PEX26: variants seen among roughly 807,000 people sequenced by gnomAD.
The protein encoded by PEX26 is peroxisome assembly protein 26.
A neutral mutation model predicts 31.4 loss-of-function variants in PEX26; 18 were observed. That is an observed-to-expected ratio of 0.57 (90% confidence interval 0.40 to 0.85). PEX26 has a LOEUF of 0.85. Among genes scored for constraint, PEX26 ranks in the 40% least tolerant of loss-of-function variants. The pLI, the probability that PEX26 is intolerant of heterozygous loss-of-function variation, is 0.00. For missense variants in PEX26, 377 were observed against 383.9 expected (o/e 0.98, Z 0.15); for synonymous variants, 176 against 166.9 (o/e 1.05, Z -0.42).
In PEX26 at chr22:18,078,506, C is replaced by T. The variant is rs150895887; in HGVS notation, c.130C>T (p.Leu44Phe). Residue 44 changes from leucine to phenylalanine, a missense_variant, in exon 1 of 5, where the codon CTC becomes TTC. By Grantham distance (22) the Leu-to-Phe change is conservative. Coordinates refer to ENST00000399744, the MANE Select transcript of PEX26 (RefSeq NM_001127649.3). ...GGACCTTCTGGAGGAGGCGGCCGAC[C>T]TCCTGGTGGTGCACCTGGACTTCCG... ...AVDLLEEAAD[L>F]LVVHLDFRAA... 2.1e-3 allele frequency: 3,362 copies of T among 1,571,354 alleles called. 17 individuals are homozygous for T. The highest frequency in any genetic ancestry group is 0.016 in the African/African-American group (1,225 of 74,280).
chr22:18,078,405 C>T lies in PEX26; in HGVS notation c.29C>T (p.Ala10Val), dbSNP rs768425084. 1.3e-4 allele frequency: 206 copies of T among 1,598,524 alleles called. No individual in the cohort carries two copies. Among genetic ancestry groups the T allele is most frequent in the Middle Eastern group, 5.0e-4 (3 of 6,042 alleles). Residue 10 changes from alanine to valine, a missense_variant, in exon 1 of 5, where the codon GCC becomes GTC. Transcript: ENST00000399744. ...AAGAGCGATTCTTCGACCTCTGCAG[C>T]CCCCCTCAGGGGGCTCGGGGGACCC... MKSDSSTSA[A>V]PLRGLGGPLR...
In PEX26 at chr22:18,078,946, C is replaced by T. The variant is rs1926431673; in HGVS notation, c.230+340C>T. ...CCAGGTACCTCCGCCCTCCCCGCCC[C>T]GCCCAAGGTTGTTTATTCCTGACCT... On this transcript the variant is annotated intron_variant, in intron 1 of 4. Coordinates refer to ENST00000399744, the MANE Select transcript of PEX26 (RefSeq NM_001127649.3). 11 of 440,420 alleles carry T rather than the reference C, an allele frequency of 2.5e-5. No individual in the cohort carries two copies. The Admixed American group carries it at 2.8e-4, about 11-fold the overall frequency. 27.3% of individuals were successfully genotyped at this position (440,420 alleles called of 1,614,324 possible).
intron 2 of PEX26, among the ~76,000 whole-genome samples, chr22:18,080,882 C>G (rs190187684): frequency 1.3e-5 from 2 of 152,252 alleles, no homozygotes; most frequent in Admixed American, 6.5e-5. Context: ...ACTTATTCCT[C>G]CTATCCCACC....
intron 4 of PEX26, 137 bp downstream of exon 4, chr22:18,085,395 C>T: frequency 1.1e-6 from 1 of 932,542 alleles, no homozygotes; most frequent in South Asian, 1.4e-5. Context: ...GTCTGTTCCA[C>T]AAGGAGGAAT....
chr22:18,098,875 T>C lies in PEX26; in HGVS notation c.*10800T>C, dbSNP rs140661154. ...AAAATAGATGCATGAAATGGCTACA[T>C]AGATATGGATGTTTGCATATAGGCA... On this transcript the variant is annotated 3_prime_UTR_variant, in exon 5 of 5. Coordinates refer to ENST00000399744, the MANE Select transcript of PEX26 (RefSeq NM_001127649.3). 1 of 152,084 alleles carries C rather than the reference T, an allele frequency of 6.6e-6. No homozygotes were observed. Among genetic ancestry groups the C allele is most frequent in the Non-Finnish European group, 1.5e-5 (1 of 68,012 alleles). 9.4% of individuals were successfully genotyped at this position (152,084 alleles called of 1,614,324 possible).
chr22:18,082,367 C>A (rs551383256), intron 2 of PEX26, among the ~76,000 whole-genome samples: 2 of 152,180 alleles, frequency 1.3e-5, no homozygotes, highest in South Asian at 2.1e-4. Context: ...AGTCTTGAAT[C>A]CATTTTGAGT....
In PEX26 at chr22:18,099,457, C is replaced by T. The variant is rs1044924635; in HGVS notation, c.*11382C>T. The T allele has an allele frequency of 1.3e-5, 2 of 152,106 alleles. No homozygotes were observed. The highest frequency in any genetic ancestry group is 4.8e-5 in the African/African-American group (2 of 41,402). 9.4% of individuals were successfully genotyped at this position (152,106 alleles called of 1,614,324 possible). ...TCAAGCAACCTTACTAAAAACACCC[C>T]ATGAAAATAAAAGTCTATATCTTCC... On this transcript the variant is annotated 3_prime_UTR_variant, in exon 5 of 5. Coordinates refer to ENST00000399744, the MANE Select transcript of PEX26 (RefSeq NM_001127649.3).
At chr22:18,086,118 T>A (rs1349222821) in intron 4 of PEX26, among the ~76,000 whole-genome samples, 3 of 151,854 alleles carry the variant, frequency 2.0e-5, no homozygotes, top group South Asian at 2.1e-4. Context: ...GCCAATATGG[T>A]GAAACCCCGT....
intron 2 of PEX26, among the ~76,000 whole-genome samples, chr22:18,080,307 TA>T (rs201455078): frequency 4.6e-5 from 7 of 151,994 alleles, no homozygotes; most frequent in South Asian, 2.1e-4. Flanking sequence ...TCCTAATTCT[TA>T]AAAAAAAATT....
At chr22:18,086,020 G>A (rs773406771) in intron 4 of PEX26, among the ~76,000 whole-genome samples, 11 of 151,320 alleles carry the variant, frequency 7.3e-5, no homozygotes, top group South Asian at 2.1e-4. Flanking sequence ...AAAATAGGCC[G>A]GACATGGTGG....
Position 18,102,818 on chromosome 22 carries a change from G to A in PEX26, c.*14743G>A, listed in dbSNP as rs1026654132. 2 of 152,236 alleles carry A rather than the reference G, an allele frequency of 1.3e-5. No individual in the cohort carries two copies. Among genetic ancestry groups the A allele is most frequent in the African/African-American group, 4.8e-5 (2 of 41,536 alleles). The allele number at this position is 152,236 out of a possible 1,614,324, so 9.4% of individuals were successfully genotyped here. ...AATAGGCATGTAGCCGGGCGCAGTG[G>A]CTCACACCTGTAATCGCAGTACTTT... On this transcript the variant is annotated 3_prime_UTR_variant, in exon 5 of 5. Transcript: ENST00000399744.
Position 18,099,257 on chromosome 22 carries a change from T to A in PEX26, c.*11182T>A, listed in dbSNP as rs1352631021. 2.0e-5 allele frequency: 3 copies of A among 152,054 alleles called. No homozygotes were observed. The highest frequency in any genetic ancestry group is 4.4e-5 in the Non-Finnish European group (3 of 67,982). 9.4% of individuals were successfully genotyped at this position (152,054 alleles called of 1,614,324 possible). A position where few individuals can be genotyped will look rare whatever the true frequency, so the allele number is the denominator to read the frequency against. ...TGGGTGGGTACTTGAATTAAAAAAATGAATTTGTGAGGCAATATTGCTGGA... is the reference window on the plus strand; with the variant it reads ...TGGGTGGGTACTTGAATTAAAAAAAAGAATTTGTGAGGCAATATTGCTGGA... On this transcript the variant is annotated 3_prime_UTR_variant, in exon 5 of 5. Coordinates refer to ENST00000399744, the MANE Select transcript of PEX26 (RefSeq NM_001127649.3).
chr22:18,085,992 A>G (rs534146288), intron 4 of PEX26, among the ~76,000 whole-genome samples: 2 of 152,210 alleles, frequency 1.3e-5, no homozygotes, highest in African/African-American at 4.8e-5. Context: ...AAAAACTCAT[A>G]CATTTTAGAA....
rs1268280930 is a variant in PEX26 at position 18,097,313 on chromosome 22, G to C, written c.*9238G>C. The C allele has an allele frequency of 1.3e-5, 2 of 151,692 alleles. No homozygotes were observed. The highest frequency in any genetic ancestry group is 4.9e-5 in the African/African-American group (2 of 41,190). The allele number at this position is 151,692 out of a possible 1,614,324, so 9.4% of individuals were successfully genotyped here. A position where few individuals can be genotyped will look rare whatever the true frequency, so the allele number is the denominator to read the frequency against. ...GAGCCTCACTCTGTCGCCCAGGCTGGAGTGCAGGGGTGTGATCTCGGCTCA... is the reference window on the plus strand; with the variant it reads ...GAGCCTCACTCTGTCGCCCAGGCTGCAGTGCAGGGGTGTGATCTCGGCTCA... On this transcript the variant is annotated 3_prime_UTR_variant, in exon 5 of 5. Coordinates refer to ENST00000399744, the MANE Select transcript of PEX26 (RefSeq NM_001127649.3).
intron 4 of PEX26, among the ~76,000 whole-genome samples, chr22:18,087,024 C>T (rs1926868719): frequency 6.6e-6 from 1 of 152,000 alleles, no homozygotes; most frequent in South Asian, 2.1e-4. Flanking sequence ...GCGATCTTCT[C>T]TCCTCAGCCT....
rs1196667020 is a variant in PEX26, at chr22:18,089,237, GT to G, written c.*1164del. The G allele has an allele frequency of 6.5e-6, 1 of 152,684 alleles. No homozygotes were observed. The highest frequency in any genetic ancestry group is 2.4e-5 in the African/African-American group (1 of 41,392). 9.5% of individuals were successfully genotyped at this position (152,684 alleles called of 1,614,324 possible). On this transcript the variant is annotated 3_prime_UTR_variant, in exon 5 of 5. Coordinates refer to ENST00000399744, the MANE Select transcript of PEX26 (RefSeq NM_001127649.3). ...TGTCCCATTGTCCTAGTTATGTTCT[GT>G]TGTTTGTGTAATGCCCAAATTTTTC...
chr22:18,078,253 A>T lies in PEX26; in HGVS notation c.-124A>T, dbSNP rs1006819708. 4 of 757,244 alleles carry T rather than the reference A, an allele frequency of 5.3e-6. No individual in the cohort carries two copies. The highest frequency in any genetic ancestry group is 9.2e-6 in the Non-Finnish European group (4 of 435,528). The allele number at this position is 757,244 out of a possible 1,614,324, so 46.9% of individuals were successfully genotyped here. A position where few individuals can be genotyped will look rare whatever the true frequency, so the allele number is the denominator to read the frequency against. ...CCTTCTCGGGGAATCGACCTCGGGA[A>T]GGGGTGTGGGCAAAGAGATGAGGAC... On this transcript the variant is annotated 5_prime_UTR_variant, in exon 1 of 5. It adds an upstream start codon to the 5' untranslated region. Coordinates refer to ENST00000399744, the MANE Select transcript of PEX26 (RefSeq NM_001127649.3).
rs1336600605 is a variant in PEX26, at chr22:18,078,028, G to A, written c.-349G>A. On this transcript the variant is annotated 5_prime_UTR_variant, in exon 1 of 5. Transcript: ENST00000399744. The stretch of plus-strand genomic sequence containing the variant: ...GCTGGGCGAGCGCAAAGATGTCCGC[G>A]CCCGCTGCCGGGAGGCGAGGTGAGT... 4.2e-6 allele frequency: 2 copies of A among 480,360 alleles called. No individual in the cohort carries two copies. The highest frequency in any genetic ancestry group is 3.1e-5 in the South Asian group (2 of 64,270). 29.8% of individuals were successfully genotyped at this position (480,360 alleles called of 1,614,324 possible).
At chr22:18,080,473 G>A (rs1438850630) in intron 2 of PEX26, among the ~76,000 whole-genome samples, 1 of 152,110 alleles carries the variant, frequency 6.6e-6, no homozygotes, top group Non-Finnish European at 1.5e-5. Context: ...GGGACTACAG[G>A]CGCCTGCCAC....
Sources: gnomAD v4.1 joint callset for allele counts (sites outside exome capture counted in the v4.1 genomes callset) on GRCh38, gnomAD v4.1.1 for gene constraint, MANE v1.5 for transcripts, NCBI Gene and HGNC (gene_info 2026-07-23, HGNC 2026-07-21) for gene names.